IPO8: variants seen among roughly 807,000 people sequenced by gnomAD.
IPO8 encodes importin 8.
A neutral mutation model predicts 141.2 loss-of-function variants in IPO8; 65 were observed. The ratio of observed to expected loss-of-function variants is 0.46; its 90% CI spans 0.38 to 0.57. IPO8 has a LOEUF of 0.57. IPO8 is among the 20% of genes least tolerant of loss of function. IPO8 has a pLI of 0.00. For missense variants in IPO8, 980 were observed against 1,246.8 expected, an observed-to-expected ratio of 0.79 and a Z score of 3.22; for synonymous variants, 411 against 420.3, an observed-to-expected ratio of 0.98 and a Z score of 0.27.
rs149190552 is a variant in IPO8 at position 30,643,886 on chromosome 12, A to G, written c.2269-4151T>C. Among the ~76,000 whole-genome samples the G allele has an allele frequency of 3.4e-4, 52 of 152,252 alleles. No homozygotes were observed. The East Asian group carries it at 8.5e-3, about 25-fold the overall frequency. ...AGTCTTCTGAACCTCTCCCCAACCT[A>G]TGTTTCCATTATTAAAGCCTACAGC... On this transcript the variant is annotated intron_variant, in intron 20 of 24. Coordinates refer to ENST00000256079, the MANE Select transcript of IPO8 (RefSeq NM_006390.4).
chr12:30,660,795 T>C (rs1049197395), intron 16 of IPO8, among the ~76,000 whole-genome samples: 1 of 152,162 alleles, frequency 6.6e-6, no homozygotes, highest in Non-Finnish European at 1.5e-5. Flanking sequence ...GAATTCTAGA[T>C]TGTTGGTTCC....
intron 2 of IPO8, among the ~76,000 whole-genome samples, chr12:30,689,869 G>A (rs939352049): frequency 1.3e-4 from 19 of 151,936 alleles, no homozygotes; most frequent in African/African-American, 1.7e-4. Flanking sequence ...AGCTATTGTC[G>A]TTTACCTCCT....
At chr12:30,641,919 G>C (rs2052579925) in intron 20 of IPO8, among the ~76,000 whole-genome samples, 1 of 152,112 alleles carries the variant, frequency 6.6e-6, no homozygotes, top group African/African-American at 2.4e-5. Context: ...GTGTGGCCAG[G>C]CACAGTGGTT....
At chr12:30,660,939 AT>A in intron 16 of IPO8, among the ~76,000 whole-genome samples, 1 of 37,070 alleles carries the variant, frequency 2.7e-5, no homozygotes, top group Non-Finnish European at 5.8e-5. Context: ...TTACATTATA[AT>A]ATTACAAATA....
chr12:30,638,861 T>C (rs993289054), intron 21 of IPO8, among the ~76,000 whole-genome samples: 2 of 152,096 alleles, frequency 1.3e-5, no homozygotes, highest in Admixed American at 6.5e-5. Flanking sequence ...TTAGTAGAGA[T>C]GGGGTTTCAC....
In IPO8 at chr12:30,637,063, G is replaced by A; in HGVS notation, c.2614C>T (p.Leu872=). The change falls in exon 22 of 25, where the codon CTA becomes TTA. Residue 872 remains leucine (L), a synonymous_variant. Coordinates refer to ENST00000256079, the MANE Select transcript of IPO8 (RefSeq NM_006390.4). ...VPSILFLFLG[L]KQVCATRQLV... is the part of the protein sequence containing the mutation. ...TGTCTAGTAGCACAGACCTGCTTTA[G>A]GCCAAGGAAAAGGAAAAGAATTGAG... 2 of 1,613,994 alleles carry A rather than the reference G, an allele frequency of 1.2e-6. No homozygotes were observed. The highest frequency in any genetic ancestry group is 2.2e-5 in the South Asian group (2 of 91,076).
rs536208883 is a variant in IPO8, at chr12:30,656,316, G to A, written c.1948+368C>T. Among the ~76,000 whole-genome samples, 467 of 152,270 alleles carry A rather than the reference G, an allele frequency of 3.1e-3. 2 individuals are homozygous for A. The highest frequency in any genetic ancestry group is 0.01 in the African/African-American group (428 of 41,552). The stretch of plus-strand genomic sequence containing the variant: ...GCCTCCCAAACTACTGAGATTACAG[G>A]TGTGAGCCACGGTGCCCAGCCATTT... On this transcript the variant is annotated intron_variant, in intron 17 of 24. Coordinates refer to ENST00000256079, the MANE Select transcript of IPO8 (RefSeq NM_006390.4).
chr12:30,665,039 C>G (rs930883415), intron 13 of IPO8, among the ~76,000 whole-genome samples, 181 bp downstream of exon 13: 2 of 152,212 alleles, frequency 1.3e-5, no homozygotes, highest in Non-Finnish European at 2.9e-5. Context: ...TGCGCCCAGC[C>G]TATAAATCTT....
At chr12:30,682,035 C>A (rs1017315603) in intron 3 of IPO8, among the ~76,000 whole-genome samples, 9 of 152,010 alleles carry the variant, frequency 5.9e-5, no homozygotes, top group Admixed American at 5.9e-4. Context: ...ATGAATGAAA[C>A]CTTTCAAACT....
chr12:30,690,946 C>T (rs1190410314), intron 1 of IPO8, among the ~76,000 whole-genome samples: 1 of 152,096 alleles, frequency 6.6e-6, no homozygotes, highest in African/African-American at 2.4e-5. Context: ...ATTGCATTTT[C>T]TCTATTACTA....
At chr12:30,642,073 G>A (rs2052581994) in intron 20 of IPO8, among the ~76,000 whole-genome samples, 1 of 152,058 alleles carries the variant, frequency 6.6e-6, no homozygotes, top group African/African-American at 2.4e-5. Context: ...GCAGTTGCCT[G>A]TAATCCCAGC....
chr12:30,665,857 G>A lies in IPO8; in HGVS notation c.1222-12C>T, dbSNP rs767918457. ...ATTTTTGGCAACACCTAAAGAAACA[G>A]AAGAATCCATTTAGTCTACATGAAC... is the stretch of plus-strand genomic sequence containing the variant. On this transcript the variant is annotated splice_polypyrimidine_tract_variant and intron_variant, in intron 11 of 24. Transcript: ENST00000256079. 5 of 1,536,036 alleles carry A rather than the reference G, an allele frequency of 3.3e-6. No individual in the cohort carries two copies. In the African/African-American group the frequency reaches 6.8e-5, roughly 21 times the overall value.
intron 20 of IPO8, among the ~76,000 whole-genome samples, chr12:30,641,267 T>C (rs2052570005): frequency 6.6e-6 from 1 of 152,206 alleles, no homozygotes; most frequent in Admixed American, 6.5e-5. Context: ...ATGTATAGTA[T>C]GCTACCGTTT....
intron 15 of IPO8, among the ~76,000 whole-genome samples, chr12:30,661,855 T>C (rs2052892051): frequency 6.6e-6 from 1 of 152,202 alleles, no homozygotes; most frequent in Non-Finnish European, 1.5e-5. Context: ...ATATTCTAGA[T>C]GAAAGAAATT....
intron 7 of IPO8, among the ~76,000 whole-genome samples, 167 bp downstream of exon 7, chr12:30,674,492 G>C (rs934816966): frequency 2.6e-5 from 4 of 151,840 alleles, no homozygotes; most frequent in Admixed American, 6.6e-5. Flanking sequence ...GAATAGAAAA[G>C]ATCCAGAGAA....
chr12:30,687,838 A>G (rs909376721), intron 2 of IPO8, among the ~76,000 whole-genome samples: 3 of 152,180 alleles, frequency 2.0e-5, no homozygotes, highest in African/African-American at 4.8e-5. Flanking sequence ...ATGAATTGTT[A>G]TATCTTCTCC....
At chr12:30,654,888 A>C (rs2052777402) in intron 17 of IPO8, among the ~76,000 whole-genome samples, 1 of 152,124 alleles carries the variant, frequency 6.6e-6, no homozygotes, top group Non-Finnish European at 1.5e-5. Flanking sequence ...TCTTGAAGAG[A>C]TAATGTGCCC....
intron 13 of IPO8, among the ~76,000 whole-genome samples, chr12:30,664,100 T>C (rs1160325672): frequency 1.3e-5 from 2 of 152,176 alleles, no homozygotes; most frequent in Non-Finnish European, 2.9e-5. Context: ...AAACCTGGTA[T>C]AGATGATCAC....
Position 30,695,556 on chromosome 12 carries a change from C to T in IPO8, c.84+8G>A. 1 of 1,613,502 alleles carries T rather than the reference C, an allele frequency of 6.2e-7. No homozygotes were observed. Among genetic ancestry groups the T allele is most frequent in the South Asian group, 1.1e-5 (1 of 91,068 alleles). On this transcript the variant is annotated splice_region_variant and intron_variant, in intron 1 of 24. Transcript: ENST00000256079. This position sits in a 1 kb window ranked among gnomAD's most constrained non-coding sequence, Gnocchi z 4.2. Reference sequence around the variant, plus strand: ...GCGGAAGAGGGTCGCCGAAGACCCTCTCCTCACCTGGTTGAGCTCGTTCTC... The same window carrying T: ...GCGGAAGAGGGTCGCCGAAGACCCTTTCCTCACCTGGTTGAGCTCGTTCTC...
Sources: allele counts gnomAD v4.1 joint callset (sites outside exome capture counted in the v4.1 genomes callset), GRCh38; gene constraint gnomAD v4.1.1; non-coding constraint Gnocchi (gnomAD v3.1); transcripts MANE v1.5; gene names NCBI Gene and HGNC (gene_info 2026-07-23, HGNC 2026-07-21).